RIPPLY3: variants seen among roughly 807,000 people sequenced by gnomAD.
RIPPLY3 encodes ripply transcriptional repressor 3.
A neutral mutation model predicts 11.9 loss-of-function variants in RIPPLY3; 8 were observed. That is an observed-to-expected ratio of 0.67 (90% CI 0.40 to 1.21). RIPPLY3 has a LOEUF of 1.21. RIPPLY3 is among the 50% of genes most tolerant of loss of function. The probability of loss-of-function intolerance (pLI) is 0.01; values close to 1 mark genes in which losing one functional copy is unlikely to be tolerated. For synonymous variants in RIPPLY3, 102 were observed against 99.0 expected (o/e 1.03, Z -0.18); for missense variants, 271 against 246.0 (o/e 1.10, Z -0.68).
chr21:37,012,212 T>TTTATTTTTA (rs1555984740), intron 2 of RIPPLY3, among the ~76,000 whole-genome samples: 8 of 132,512 alleles, frequency 6.0e-5, no homozygotes, highest in African/African-American at 2.2e-4. Flanking sequence ...CCGCTCCTTA[T>TTTATTTTTA]TTATTATTAT....
At chr21:37,011,052 GTC>G (rs2069516640) in intron 2 of RIPPLY3, among the ~76,000 whole-genome samples, 2 of 151,812 alleles carry the variant, frequency 1.3e-5, no homozygotes, top group Non-Finnish European at 2.9e-5. Flanking sequence ...CAATGGTGCA[GTC>G]TCAGCTCACT....
At chr21:37,008,508 A>T (rs1050877105) in intron 2 of RIPPLY3, among the ~76,000 whole-genome samples, 1 of 152,140 alleles carries the variant, frequency 6.6e-6, no homozygotes, top group Non-Finnish European at 1.5e-5. Flanking sequence ...CTGTAATCTC[A>T]GCACTTTGGG....
rs1469419182 is a variant in RIPPLY3 at position 37,008,203 on chromosome 21, C to G, written c.151C>G (p.Leu51Val). Residue 51 changes from leucine (L) to valine (V), a missense_variant, in exon 2 of 4, where the codon CTG becomes GTG. By Grantham distance (32) the Leu-to-Val change is conservative. Coordinates refer to ENST00000329553, the MANE Select transcript of RIPPLY3 (RefSeq NM_018962.3). ...PWIQTPGDAE[L>V]TRTGRPLEPR... ...GATCCAGACACCTGGAGATGCTGAGCTGACCAGAACTGGAAGGCCGGTAAG... is the reference window on the plus strand; with the variant it reads ...GATCCAGACACCTGGAGATGCTGAGGTGACCAGAACTGGAAGGCCGGTAAG... 1.2e-6 allele frequency: 2 copies of G among 1,614,152 alleles called. No homozygotes were observed. Among genetic ancestry groups the G allele is most frequent in the Middle Eastern group, 1.7e-4 (1 of 6,058 alleles).
intron 2 of RIPPLY3, among the ~76,000 whole-genome samples, chr21:37,011,732 C>T (rs1017623395): frequency 3.9e-5 from 6 of 151,954 alleles, no homozygotes; most frequent in East Asian, 1.9e-4. Context: ...TTTGGGAGGC[C>T]GAGGCGGGCG....
At chr21:37,008,586 C>A (rs1013792453) in intron 2 of RIPPLY3, among the ~76,000 whole-genome samples, 1 of 151,892 alleles carries the variant, frequency 6.6e-6, no homozygotes, top group South Asian at 2.1e-4. Flanking sequence ...GGCGAAACCC[C>A]GTCTCTACTA....
chr21:37,007,810 G>T (rs1348527346), intron 1 of RIPPLY3, among the ~76,000 whole-genome samples: 2 of 152,100 alleles, frequency 1.3e-5, no homozygotes, highest in Non-Finnish European at 2.9e-5. Flanking sequence ...GAAATTAACC[G>T]GGGACAAAGT....
intron 3 of RIPPLY3, 112 bp from the exon 4 acceptor site, chr21:37,017,761 AG>A (rs1198506503): frequency 1.2e-6 from 1 of 848,340 alleles, no homozygotes; most frequent in Non-Finnish European, 1.8e-6. Context: ...GTGAAGGCAA[AG>A]ACCAGAAAGG....
chr21:37,014,208 C>T (rs935343731), intron 3 of RIPPLY3, among the ~76,000 whole-genome samples: 3 of 152,150 alleles, frequency 2.0e-5, no homozygotes, highest in South Asian at 2.1e-4. Flanking sequence ...ATCCCGGCTA[C>T]TTGGGAGGCT....
chr21:37,016,327 A>G (rs74361127), intron 3 of RIPPLY3, among the ~76,000 whole-genome samples: 2,926 of 152,216 alleles, frequency 0.019, 107 homozygotes, highest in African/African-American at 0.066. Context: ...ACATTGCCAA[A>G]TGTCCCCTCG....
At chr21:37,008,983 C>T (rs775423826) in intron 2 of RIPPLY3, among the ~76,000 whole-genome samples, 2 of 151,964 alleles carry the variant, frequency 1.3e-5, no homozygotes, top group African/African-American at 4.8e-5. Context: ...CCGTTAAAAG[C>T]CCCCACCCCG....
At chr21:37,007,191 A>T (rs2069473465) in intron 1 of RIPPLY3, among the ~76,000 whole-genome samples, 1 of 151,908 alleles carries the variant, frequency 6.6e-6, no homozygotes, top group African/African-American at 2.4e-5. Context: ...CGGGCTCCTA[A>T]GCCAGCCTTG....
Position 37,008,191 on chromosome 21 carries a change from G to A in RIPPLY3, c.139G>A (p.Gly47Arg), listed in dbSNP as rs1462969960. The A allele has an allele frequency of 6.2e-7, 1 of 1,614,166 alleles. No homozygotes were observed. Among genetic ancestry groups the A allele is most frequent in the Non-Finnish European group, 8.5e-7 (1 of 1,180,016 alleles). ...APWRPWIQTP[G>R]DAELTRTGRP... is the part of the protein sequence containing the mutation. ...GTGGCGACCTTGGATCCAGACACCT[G>A]GAGATGCTGAGCTGACCAGAACTGG... The change falls in exon 2 of 4, where the codon GGA (glycine) becomes AGA (arginine). Residue 47 changes from glycine (G) to arginine (R), a missense_variant. Transcript: ENST00000329553.
At chr21:37,011,811 G>A (rs1309534437) in intron 2 of RIPPLY3, among the ~76,000 whole-genome samples, 1 of 151,648 alleles carries the variant, frequency 6.6e-6, no homozygotes, top group South Asian at 2.1e-4. Context: ...AAATTAGCCG[G>A]GCGTGGTGGC....
At position 37,018,469 on chromosome 21, in the gene RIPPLY3, T is replaced by C; in HGVS notation, c.*262T>C. On this transcript the variant is annotated 3_prime_UTR_variant, in exon 4 of 4. Coordinates refer to ENST00000329553, the MANE Select transcript of RIPPLY3 (RefSeq NM_018962.3). Reference sequence around the variant, plus strand: ...AAGGTCTATGTCAACAGAGTTGTTATCTCATAGAGCCAGTTTTCAAAGCTC... The same window carrying C: ...AAGGTCTATGTCAACAGAGTTGTTACCTCATAGAGCCAGTTTTCAAAGCTC... 2.1e-6 allele frequency: 1 copy of C among 481,134 alleles called. No individual in the cohort carries two copies. The highest frequency in any genetic ancestry group is 3.7e-6 in the Non-Finnish European group (1 of 268,224). The allele number at this position is 481,134 out of a possible 1,614,324, so 29.8% of individuals were successfully genotyped here.
rs924560043 is a variant in RIPPLY3, at chr21:37,019,610, C to T, written c.*1403C>T. 6.6e-6 allele frequency: 1 copy of T among 152,026 alleles called. No individual in the cohort carries two copies. The highest frequency in any genetic ancestry group is 2.4e-5 in the African/African-American group (1 of 41,392). The allele number at this position is 152,026 out of a possible 1,614,324, so 9.4% of individuals were successfully genotyped here. The stretch of plus-strand genomic sequence containing the variant: ...TACTTATCTTACATGTGGTGTCTTC[C>T]TGTATATAGTACATTATATCAATTT... On this transcript the variant is annotated 3_prime_UTR_variant, in exon 4 of 4. Transcript: ENST00000329553.
rs533969351 is a variant in RIPPLY3 at position 37,011,164 on chromosome 21, G to A, written c.172-2387G>A. On this transcript the variant is annotated intron_variant, in intron 2 of 3. Transcript: ENST00000329553. Reference sequence around the variant, plus strand: ...ATTACAAGCGTGCGCCACCACGCCCGGCTAATTTTTGTATTTGTAGTAGGG... The same window carrying A: ...ATTACAAGCGTGCGCCACCACGCCCAGCTAATTTTTGTATTTGTAGTAGGG... Among the ~76,000 whole-genome samples the A allele has an allele frequency of 7.2e-5, 11 of 152,120 alleles. No individual in the cohort carries two copies. In the East Asian group the frequency reaches 1.7e-3, roughly 24 times the overall value.
At chr21:37,017,787 C>T in intron 3 of RIPPLY3, 87 bp from the exon 4 acceptor site, 1 of 1,070,104 alleles carries the variant, frequency 9.3e-7, no homozygotes, top group Non-Finnish European at 1.3e-6. Context: ...CTGGGGAGTT[C>T]TCTGCTTCTG....
chr21:37,007,168 G>T (rs971813768), intron 1 of RIPPLY3, among the ~76,000 whole-genome samples: 43 of 152,136 alleles, frequency 2.8e-4, no homozygotes, highest in African/African-American at 9.7e-4. Context: ...GCCAGCCGGG[G>T]ACACTGCAGT....
rs533969655 is a variant in RIPPLY3 at position 37,017,929 on chromosome 21, G to T, written c.295G>T (p.Val99Leu). Reference protein sequence around the residue: ...QEYLRSSGEQVLASFPVQATI... With the variant: ...QEYLRSSGEQLLASFPVQATI... ...ATACCTGCGGAGTTCCGGGGAGCAA[G>T]TACTGGCCAGTTTCCCAGTGCAAGC... Residue 99 changes from valine (V) to leucine (L), a missense_variant, in exon 4 of 4, where the codon GTA becomes TTA. Val to Leu is a conservative substitution (Grantham distance 32). Coordinates refer to ENST00000329553, the MANE Select transcript of RIPPLY3 (RefSeq NM_018962.3). The T allele has an allele frequency of 2.0e-5, 33 of 1,614,068 alleles. No homozygotes were observed. The Admixed American group carries it at 2.2e-4, about 11-fold the overall frequency.
Sources: gnomAD v4.1 joint callset for allele counts (sites outside exome capture counted in the v4.1 genomes callset) on GRCh38, gnomAD v4.1.1 for gene constraint, MANE v1.5 for transcripts, NCBI Gene and HGNC (gene_info 2026-07-23, HGNC 2026-07-21) for gene names.